Variants in BCAS1 observed in about 807,000 individuals in gnomAD.
BCAS1 encodes the protein brain enriched myelin associated protein 1.
Under a neutral mutation model 65.4 loss-of-function variants are expected in BCAS1, and 46 were observed. The observed-to-expected ratio is 0.70, with a 90% CI of 0.55 to 0.90. BCAS1 has a LOEUF of 0.90. BCAS1 is among the 40% of genes least tolerant of loss of function. BCAS1 has a pLI of 0.00. For missense variants in BCAS1, 793 were observed against 771.2 expected (o/e 1.03, Z -0.33); for synonymous variants, 298 against 293.5 (o/e 1.02, Z -0.16).
intron 7 of BCAS1, among the ~76,000 whole-genome samples, chr20:53,987,576 G>A (rs1223053985): frequency 1.3e-5 from 2 of 152,160 alleles, no homozygotes; most frequent in East Asian, 3.8e-4. Context: ...TCCACTTTGA[G>A]TGTCCTCTAT....
chr20:54,066,278 TA>T (rs1194821031), intron 1 of BCAS1, among the ~76,000 whole-genome samples: 7 of 152,316 alleles, frequency 4.6e-5, no homozygotes, highest in African/African-American at 1.4e-4. Context: ...TTCCCCGTGT[TA>T]GCCAGGATGG....
intron 3 of BCAS1, among the ~76,000 whole-genome samples, chr20:54,051,931 G>A (rs2092222432): frequency 6.6e-6 from 1 of 152,118 alleles, no homozygotes; most frequent in Middle Eastern, 3.4e-3. Flanking sequence ...TAGAGACGGG[G>A]TTTCACCACG....
chr20:54,026,551 T>C (rs568077452), intron 4 of BCAS1, among the ~76,000 whole-genome samples: 28 of 152,314 alleles, frequency 1.8e-4, no homozygotes, highest in African/African-American at 6.5e-4. Flanking sequence ...TTCATTGTCT[T>C]CCCATAAATA....
chr20:54,030,840 CT>C (rs1375484779), intron 3 of BCAS1, among the ~76,000 whole-genome samples: 1 of 150,834 alleles, frequency 6.6e-6, no homozygotes, highest in Non-Finnish European at 1.5e-5. Context: ...TCTTCTTAAC[CT>C]TTTTTTCTGT....
intron 12 of BCAS1, among the ~76,000 whole-genome samples, chr20:53,949,035 CT>C (rs2089427441): frequency 6.6e-6 from 1 of 152,178 alleles, no homozygotes; most frequent in Non-Finnish European, 1.5e-5. Context: ...GCAGATTGCG[CT>C]GCACACAATC....
chr20:54,021,951 C>T (rs918255662), intron 4 of BCAS1, among the ~76,000 whole-genome samples: 3 of 152,140 alleles, frequency 2.0e-5, no homozygotes, highest in African/African-American at 7.2e-5. Context: ...AATGCTGACA[C>T]AAAGACACAA....
intron 1 of BCAS1, among the ~76,000 whole-genome samples, chr20:54,061,005 A>G (rs879849107): frequency 3.3e-5 from 5 of 152,220 alleles, no homozygotes; most frequent in Non-Finnish European, 7.3e-5. Flanking sequence ...TGTATGATAT[A>G]TAATAATAAT....
chr20:53,950,239 G>C (rs1283045549), intron 12 of BCAS1, among the ~76,000 whole-genome samples: 1 of 151,880 alleles, frequency 6.6e-6, no homozygotes, highest in Non-Finnish European at 1.5e-5. Context: ...CAGCAACCAC[G>C]GCCTTGTTTC....
At chr20:53,964,088 A>G (rs2089963431) in intron 10 of BCAS1, among the ~76,000 whole-genome samples, 1 of 152,246 alleles carries the variant, frequency 6.6e-6, no homozygotes. Flanking sequence ...TATTTGTTGA[A>G]AAAGTGAATG....
intron 12 of BCAS1, among the ~76,000 whole-genome samples, chr20:53,950,095 G>A (rs1383604678): frequency 6.6e-6 from 1 of 152,144 alleles, no homozygotes; most frequent in Admixed American, 6.5e-5. Context: ...CTTAATATCT[G>A]TGAGTAGCTT....
chr20:54,040,998 A>G (rs1228082387), intron 3 of BCAS1, among the ~76,000 whole-genome samples: 2 of 151,478 alleles, frequency 1.3e-5, no homozygotes, highest in Non-Finnish European at 1.5e-5. Context: ...ATCAGCCATA[A>G]GAAGAAACAA....
intron 12 of BCAS1, among the ~76,000 whole-genome samples, chr20:53,948,223 G>C (rs2089394529): frequency 6.6e-6 from 1 of 152,130 alleles, no homozygotes; most frequent in Non-Finnish European, 1.5e-5. Flanking sequence ...ACTTCCCCGA[G>C]GTTTCCATCC....
chr20:54,029,341 C>A lies in BCAS1; in HGVS notation c.143-369G>T. The A allele has an allele frequency of 3.4e-6, 2 of 589,234 alleles. 1 individual carries two copies. Among genetic ancestry groups the A allele is most frequent in the East Asian group, 2.9e-4 (2 of 6,980 alleles). 36.5% of individuals were successfully genotyped at this position (589,234 alleles called of 1,614,324 possible). On this transcript the variant is annotated intron_variant, in intron 3 of 12. Coordinates refer to ENST00000688948, the MANE Select transcript of BCAS1 (RefSeq NM_001366298.2). ...GCAGTTAGGAGCTTGGGTTCTGGAG[C>A]TAGAACAAGGTTTCTCAACCTCAGC...
chr20:53,951,252 C>G (rs1024962886), intron 12 of BCAS1, among the ~76,000 whole-genome samples: 1 of 152,154 alleles, frequency 6.6e-6, no homozygotes, highest in South Asian at 2.1e-4. Flanking sequence ...GCGGGCGGAT[C>G]ACTCGAGCTC....
At chr20:54,028,019 G>T (rs1356200487) in intron 4 of BCAS1, among the ~76,000 whole-genome samples, 1 of 152,192 alleles carries the variant, frequency 6.6e-6, no homozygotes, top group African/African-American at 2.4e-5. Context: ...AAACTACAGA[G>T]ACTAGGTAAC....
At chr20:53,950,694 C>G (rs1352563987) in intron 12 of BCAS1, among the ~76,000 whole-genome samples, 1 of 152,170 alleles carries the variant, frequency 6.6e-6, no homozygotes, top group Non-Finnish European at 1.5e-5. Flanking sequence ...GGACCCTGTC[C>G]CCTTTGTTTG....
At chr20:53,961,924 T>C (rs545627529) in intron 10 of BCAS1, among the ~76,000 whole-genome samples, 1 of 152,192 alleles carries the variant, frequency 6.6e-6, no homozygotes, top group South Asian at 2.1e-4. Context: ...AGTTCTCTAT[T>C]AATAAATGAG....
chr20:54,017,464 C>T (rs1274272185), intron 4 of BCAS1, among the ~76,000 whole-genome samples: 4 of 150,516 alleles, frequency 2.7e-5, no homozygotes, highest in Non-Finnish European at 5.9e-5. Context: ...GGTGCGATCT[C>T]GGCTCACTGC....
At chr20:53,984,910 C>CCTA (rs1339735450) in intron 8 of BCAS1, among the ~76,000 whole-genome samples, 3 of 152,084 alleles carry the variant, frequency 2.0e-5, no homozygotes, top group Non-Finnish European at 4.4e-5. Context: ...ACAGACAGCC[C>CCTA]CTAGGTAGTT....
Sources: gnomAD v4.1 joint callset for allele counts (sites outside exome capture counted in the v4.1 genomes callset) on GRCh38, gnomAD v4.1.1 for gene constraint, MANE v1.5 for transcripts, NCBI Gene and HGNC (gene_info 2026-07-23, HGNC 2026-07-21) for gene names.